GPR89A: variants seen among roughly 807,000 people sequenced by gnomAD.
The protein encoded by GPR89A is G protein-coupled receptor 89A.
In GPR89A, 16 loss-of-function variants were observed where a neutral mutation model predicts 52.0. The ratio of observed to expected loss-of-function variants is 0.31; its 90% CI spans 0.21 to 0.47. The LOEUF is 0.47. Among genes scored for constraint, GPR89A ranks in the 20% least tolerant of loss-of-function variants. The probability of loss-of-function intolerance (pLI) is 1.00; values close to 1 mark genes in which losing one functional copy is unlikely to be tolerated. For missense variants in GPR89A, 135 were observed against 449.4 expected (o/e 0.30, Z 6.33); for synonymous variants, 55 against 150.9 (o/e 0.36, Z 4.66).
intron 10 of GPR89A, among the ~76,000 whole-genome samples, chr1:145,648,420 T>C (rs1553692991): frequency 1.3e-5 from 2 of 151,676 alleles, no homozygotes; most frequent in African/African-American, 4.8e-5. Context: ...TGAATGAAGA[T>C]AGTATGTTCA....
At chr1:145,652,364 T>A (rs1651511168) in intron 10 of GPR89A, among the ~76,000 whole-genome samples, 1 of 152,024 alleles carries the variant, frequency 6.6e-6, no homozygotes, top group Non-Finnish European at 1.5e-5. Context: ...TCGTGGTAGA[T>A]GAGCTTTTTG....
At chr1:145,610,414 T>G (rs1285359237) in intron 1 of GPR89A, among the ~76,000 whole-genome samples, 1 of 152,164 alleles carries the variant, frequency 6.6e-6, no homozygotes, top group African/African-American at 2.4e-5. Context: ...TCTTTAGACT[T>G]CCTGAACTTC....
At chr1:145,617,943 G>A (rs1648838355) in intron 2 of GPR89A, among the ~76,000 whole-genome samples, 1 of 151,212 alleles carries the variant, frequency 6.6e-6, no homozygotes, top group African/African-American at 2.4e-5. Flanking sequence ...ACCTCCCGAG[G>A]AAGGTTCCAG....
At chr1:145,629,944 G>C (rs1414930063) in intron 5 of GPR89A, among the ~76,000 whole-genome samples, 1 of 152,162 alleles carries the variant, frequency 6.6e-6, no homozygotes, top group Non-Finnish European at 1.5e-5. Flanking sequence ...TTCTATCCTA[G>C]AAATAGAAAG....
chr1:145,625,992 T>C lies in GPR89A; in HGVS notation c.415+2278T>C, dbSNP rs1649473323. Among the ~76,000 whole-genome samples the C allele has an allele frequency of 1.3e-5, 2 of 150,310 alleles. 1 individual carries two copies. Among genetic ancestry groups the C allele is most frequent in the African/African-American group, 5.0e-5 (2 of 39,862 alleles). The stretch of plus-strand genomic sequence containing the variant: ...TCAGTGGATGGAAGAAAATTGAGTC[T>C]CTCCAAAGTGGTAGATGAGTTTACT... On this transcript the variant is annotated intron_variant, in intron 5 of 13. Transcript: ENST00000313835.
intron 10 of GPR89A, among the ~76,000 whole-genome samples, chr1:145,649,735 C>CA (rs1339004393): frequency 6.7e-6 from 1 of 148,488 alleles, no homozygotes; most frequent in African/African-American, 2.5e-5. Flanking sequence ...AACTCTTTTC[C>CA]AAAAAAATTG....
chr1:145,613,316 A>G (rs1281788559), intron 1 of GPR89A, among the ~76,000 whole-genome samples: 2 of 151,004 alleles, frequency 1.3e-5, no homozygotes, highest in Admixed American at 1.3e-4. Flanking sequence ...TACCTTCTAA[A>G]TAGTTCTCAA....
intron 10 of GPR89A, among the ~76,000 whole-genome samples, chr1:145,649,998 G>A (rs1651337802): frequency 7.1e-6 from 1 of 141,190 alleles, no homozygotes; most frequent in African/African-American, 2.7e-5. Context: ...TTAATTTTAA[G>A]TTCTGAGGTA....
rs372185359 is a variant in GPR89A at position 145,608,148 on chromosome 1, C to G, written c.15C>G (p.Ile5Met). The G allele has an allele frequency of 1.9e-5, 30 of 1,613,446 alleles. No individual in the cohort carries two copies. Among genetic ancestry groups the G allele is most frequent in the Non-Finnish European group, 2.4e-5 (28 of 1,179,852 alleles). ...TACACTTCGCCATGAGTTTCCTCAT[C>G]GACTCCAGCATCATGATTACCTCCC... MSFL[I>M]DSSIMITSQI... Residue 5 changes from isoleucine (I) to methionine (M), a missense_variant, in exon 1 of 14, where the codon ATC becomes ATG. By Grantham distance (10) the Ile-to-Met change is conservative. Transcript: ENST00000313835.
At chr1:145,616,497 G>C (rs1330227030) in intron 2 of GPR89A, among the ~76,000 whole-genome samples, 1 of 152,024 alleles carries the variant, frequency 6.6e-6, no homozygotes, top group African/African-American at 2.4e-5. Context: ...TAGCCCAGAA[G>C]TTAGGAGCAA....
chr1:145,645,852 T>C, intron 8 of GPR89A: 1 of 423,798 alleles, frequency 2.4e-6, no homozygotes, highest in Non-Finnish European at 4.4e-6. Context: ...ATTATAGTTA[T>C]TATTCTGTAA....
chr1:145,647,908 T>G (rs1311569733), intron 10 of GPR89A, among the ~76,000 whole-genome samples: 3 of 114,316 alleles, frequency 2.6e-5, no homozygotes, highest in African/African-American at 9.8e-5. Flanking sequence ...TATATATATA[T>G]ATAGAATGTG....
intron 1 of GPR89A, among the ~76,000 whole-genome samples, chr1:145,609,111 C>G (rs587622189): frequency 7.9e-5 from 12 of 152,280 alleles, no homozygotes; most frequent in African/African-American, 2.9e-4. Context: ...GCCTGTTGAC[C>G]TTCTTCCCCC....
intron 1 of GPR89A, among the ~76,000 whole-genome samples, chr1:145,613,067 A>G (rs1162364139): frequency 2.6e-5 from 4 of 151,588 alleles, no homozygotes; most frequent in African/African-American, 9.8e-5. Context: ...TCATAGGTAT[A>G]TCTTAGACCT....
Position 145,670,326 on chromosome 1 carries a change from GA to G in GPR89A, c.*291del. The G allele has an allele frequency of 2.2e-6, 2 of 889,554 alleles. No homozygotes were observed. The highest frequency in any genetic ancestry group is 3.2e-6 in the Non-Finnish European group (2 of 622,130). The allele number at this position is 889,554 out of a possible 1,614,324, so 55.1% of individuals were successfully genotyped here. A position where few individuals can be genotyped will look rare whatever the true frequency, so the allele number is the denominator to read the frequency against. ...GGAGAGGAGCCAAGAAACTAAAGGT[GA>G]AAAATACACTGGAACTCTGGGGCAA... On this transcript the variant is annotated 3_prime_UTR_variant, in exon 14 of 14. Transcript: ENST00000313835.
rs1158891392 is a variant in GPR89A, at chr1:145,608,016, C to G, written c.-118C>G. 1.7e-6 allele frequency: 2 copies of G among 1,196,644 alleles called. No individual in the cohort carries two copies. The highest frequency in any genetic ancestry group is 2.4e-6 in the Non-Finnish European group (2 of 836,416). The allele number at this position is 1,196,644 out of a possible 1,614,324, so 74.1% of individuals were successfully genotyped here. On this transcript the variant is annotated 5_prime_UTR_variant, in exon 1 of 14. Transcript: ENST00000313835. ...GCTTGATGGCGTCGGGCTGGAGAGC[C>G]GCAGTCCCGGCTGCAGCACCTGGGA...
Position 145,658,624 on chromosome 1 carries a change from TA to T in GPR89A, c.910-4695del, listed in dbSNP as rs587632704. 1.4e-3 allele frequency among the ~76,000 whole-genome samples: 202 copies of T among 142,936 alleles called. 2 individuals carry two copies. The East Asian group carries it at 0.034, about 24-fold the overall frequency. 93.8% of individuals were successfully genotyped at this position (142,936 alleles called of 152,430 possible). A position where few individuals can be genotyped will look rare whatever the true frequency, so the allele number is the denominator to read the frequency against. ...AGCAGGCAGCAGAGCAAGACTGTCT[TA>T]AAAAAAAAATTCATATTTTCTATGG... On this transcript the variant is annotated intron_variant, in intron 10 of 13. Coordinates refer to ENST00000313835, the MANE Select transcript of GPR89A (RefSeq NM_001097612.2).
chr1:145,658,975 AC>A (rs1553694977), intron 10 of GPR89A, among the ~76,000 whole-genome samples: 1 of 151,824 alleles, frequency 6.6e-6, no homozygotes, highest in Non-Finnish European at 1.5e-5. Context: ...ACGAGGTTTG[AC>A]CATGTTGGCC....
intron 12 of GPR89A, among the ~76,000 whole-genome samples, chr1:145,666,682 T>C (rs1652584724): frequency 6.6e-6 from 1 of 150,784 alleles, no homozygotes; most frequent in Admixed American, 6.6e-5. Flanking sequence ...TAGGTATATC[T>C]CCTAATGCTG....
Sources: gnomAD v4.1 joint callset for allele counts (sites outside exome capture counted in the v4.1 genomes callset) on GRCh38, gnomAD v4.1.1 for gene constraint, MANE v1.5 for transcripts, NCBI Gene and HGNC (gene_info 2026-07-23, HGNC 2026-07-21) for gene names.